WDHD1: variants seen among roughly 807,000 people sequenced by gnomAD.
WDHD1 encodes WD repeat and HMG-box DNA binding protein 1.
WDHD1 carries 111 observed loss-of-function variants against 135.4 expected under a neutral mutation model. That is an observed-to-expected ratio of 0.82 (90% confidence interval 0.70 to 0.96). WDHD1 has a LOEUF of 0.96. WDHD1 is among the 40% of genes least tolerant of loss of function. The probability of loss-of-function intolerance (pLI) is 0.00; values close to 1 mark genes in which losing one functional copy is unlikely to be tolerated. For synonymous variants in WDHD1, 434 were observed against 439.0 expected, an observed-to-expected ratio of 0.99 and a Z score of 0.14; for missense variants, 1,351 against 1,336.3, an observed-to-expected ratio of 1.01 and a Z score of -0.17.
intron 2 of WDHD1, among the ~76,000 whole-genome samples, chr14:55,025,184 C>A (rs2042414606): frequency 7.0e-6 from 1 of 143,722 alleles, no homozygotes; most frequent in African/African-American, 2.5e-5. Context: ...TATGTGTATG[C>A]ATATCTAAAA....
chr14:54,948,813 G>A (rs145557179), intron 24 of WDHD1, among the ~76,000 whole-genome samples: 264 of 152,314 alleles, frequency 1.7e-3, no homozygotes, highest in Middle Eastern at 6.8e-3. Context: ...GAGGCTTCCA[G>A]AGGAATGACC....
intron 21 of WDHD1, among the ~76,000 whole-genome samples, chr14:54,959,956 A>G (rs1250818639): frequency 6.6e-6 from 1 of 152,124 alleles, no homozygotes; most frequent in Non-Finnish European, 1.5e-5. Context: ...TGAATCACTG[A>G]ATGTTCAAAT....
rs1566701100 is a variant in WDHD1, at chr14:54,944,357, C to CT, written c.3163dup (p.Arg1055LysfsTer6). The CT allele has an allele frequency of 6.2e-7, 1 of 1,607,210 alleles. No homozygotes were observed. The highest frequency in any genetic ancestry group is 8.5e-7 in the Non-Finnish European group (1 of 1,178,656). ...CTTTCTTTCTTCAGTTGACAATACT[C>CT]TAAATCGAATCATTCCTTCTTTTAT... On this transcript the variant is annotated frameshift_variant, in exon 25 of 26. Transcript: ENST00000360586. LOFTEE classifies it high-confidence loss of function.
chr14:54,964,417 G>A (rs939281126), intron 18 of WDHD1, among the ~76,000 whole-genome samples: 1 of 152,120 alleles, frequency 6.6e-6, no homozygotes, highest in Non-Finnish European at 1.5e-5. Context: ...GAGACAGGTG[G>A]ATCACAAGGT....
At chr14:54,945,871 C>T (rs757284441) in intron 24 of WDHD1, among the ~76,000 whole-genome samples, 7 of 152,090 alleles carry the variant, frequency 4.6e-5, no homozygotes, top group Non-Finnish European at 8.8e-5. Context: ...AGCAGCTATA[C>T]GCCCCTCACT....
chr14:54,959,194 C>T (rs567329290), intron 21 of WDHD1, among the ~76,000 whole-genome samples: 7 of 151,890 alleles, frequency 4.6e-5, no homozygotes, highest in African/African-American at 7.2e-5. Context: ...ATAGGGAGAC[C>T]CTGTCTCTAC....
At chr14:54,986,550 G>C (rs1470360927) in intron 14 of WDHD1, among the ~76,000 whole-genome samples, 1 of 152,010 alleles carries the variant, frequency 6.6e-6, no homozygotes, top group South Asian at 2.1e-4. Context: ...CTGACCTAGA[G>C]AGTAGTAGAG....
chr14:54,963,527 G>C (rs1170624738), intron 18 of WDHD1, among the ~76,000 whole-genome samples: 1 of 152,114 alleles, frequency 6.6e-6, no homozygotes, highest in East Asian at 1.9e-4. Flanking sequence ...GGGGGAGGCT[G>C]GGCACGGTGG....
At position 55,027,075 on chromosome 14, in the gene WDHD1, C is replaced by A; in HGVS notation, c.-64G>T. 1 of 399,394 alleles carries A rather than the reference C, an allele frequency of 2.5e-6. No individual in the cohort carries two copies. The highest frequency in any genetic ancestry group is 4.7e-6 in the Non-Finnish European group (1 of 212,828). The allele number at this position is 399,394 out of a possible 1,614,324, so 24.7% of individuals were successfully genotyped here. A position where few individuals can be genotyped will look rare whatever the true frequency, so the allele number is the denominator to read the frequency against. ...CTGAGGATCCACAAGAGCTGCTTCC[C>A]GCGCTTCGGCTCGCTCACCACACTG... On this transcript the variant is annotated 5_prime_UTR_variant, in exon 1 of 26. Coordinates refer to ENST00000360586, the MANE Select transcript of WDHD1 (RefSeq NM_007086.4).
chr14:54,982,545 A>G (rs966105503), intron 15 of WDHD1, among the ~76,000 whole-genome samples: 3 of 152,066 alleles, frequency 2.0e-5, no homozygotes, highest in African/African-American at 7.2e-5. Context: ...TTTTCCACCT[A>G]TTCTGCTTCC....
chr14:54,986,906 T>C (rs1031727990), intron 14 of WDHD1, among the ~76,000 whole-genome samples: 2 of 152,182 alleles, frequency 1.3e-5, no homozygotes, highest in Non-Finnish European at 2.9e-5. Context: ...AATGGTAAGA[T>C]TTAGACATGG....
chr14:55,009,907 G>T (rs1049499859), intron 4 of WDHD1, among the ~76,000 whole-genome samples: 2 of 151,948 alleles, frequency 1.3e-5, no homozygotes, highest in Non-Finnish European at 2.9e-5. Flanking sequence ...TGCAACCTCT[G>T]CCTCCTAGGT....
In WDHD1 at chr14:55,000,921, T is replaced by G; in HGVS notation, c.765A>C (p.Ile255=). 2 of 1,589,474 alleles carry G rather than the reference T, an allele frequency of 1.3e-6. No individual in the cohort carries two copies. Among genetic ancestry groups the G allele is most frequent in the Non-Finnish European group, 1.7e-6 (2 of 1,169,240 alleles). ...LAAGSINGLI[I]VWNVETKDCM... ...AGTCTTTGGTTTCCACATTCCAAAC[T>G]ATGATTAGACCATTAATACTACCTG... The change falls in exon 9 of 26, where the codon ATA becomes ATC. Residue 255 remains isoleucine (I), a synonymous_variant. Transcript: ENST00000360586.
intron 7 of WDHD1, among the ~76,000 whole-genome samples, chr14:55,004,447 A>G (rs1260028748): frequency 6.6e-6 from 1 of 151,666 alleles, no homozygotes; most frequent in Non-Finnish European, 1.5e-5. Context: ...TTTTTTTAGC[A>G]ACCAATGTTT....
At chr14:55,000,801 G>A in intron 9 of WDHD1, 85 bp downstream of exon 9, 1 of 1,168,006 alleles carries the variant, frequency 8.6e-7, no homozygotes, top group Non-Finnish European at 1.1e-6. Context: ...CAATCTGATG[G>A]CAAATTTGAA....
chr14:54,944,956 A>C (rs1212413373), intron 24 of WDHD1, among the ~76,000 whole-genome samples: 2 of 152,128 alleles, frequency 1.3e-5, no homozygotes, highest in East Asian at 3.8e-4. Context: ...TGAACTGGAA[A>C]ATCCTTTGTA....
Position 55,000,496 on chromosome 14 carries a change from CT to C in WDHD1, c.942+6del. On this transcript the variant is annotated splice_donor_region_variant and intron_variant, in intron 10 of 25. Transcript: ENST00000360586. ...TGAAGAAACTGTTGTACCATACTCC[CT>C]TTTACCTTACTGCTTGATGTCTTTC... is the stretch of plus-strand genomic sequence containing the variant. 3 of 1,599,716 alleles carry C rather than the reference CT, an allele frequency of 1.9e-6. No individual in the cohort carries two copies. Among genetic ancestry groups the C allele is most frequent in the South Asian group, 1.1e-5 (1 of 88,402 alleles).
intron 21 of WDHD1, 140 bp from the exon 22 acceptor site, chr14:54,957,775 G>T: frequency 1.5e-6 from 1 of 653,850 alleles, no homozygotes; most frequent in Non-Finnish European, 2.5e-6. Flanking sequence ...ATTAACAACA[G>T]ATATCCTCTT....
Position 54,987,397 on chromosome 14 carries a change from A to C in WDHD1, c.1527-10T>G, listed in dbSNP as rs774772732. The C allele has an allele frequency of 6.3e-7, 1 of 1,591,568 alleles. No individual in the cohort carries two copies. The highest frequency in any genetic ancestry group is 1.7e-5 in the Admixed American group (1 of 58,170). On this transcript the variant is annotated splice_polypyrimidine_tract_variant and intron_variant, in intron 13 of 25. Transcript: ENST00000360586. The stretch of plus-strand genomic sequence containing the variant: ...CAGGCAGTGAAGCTTGCTAAAAATT[A>C]AAACAAGACAGAAACAATCAAACTT...
Sources: gnomAD v4.1 joint callset for allele counts (sites outside exome capture counted in the v4.1 genomes callset) on GRCh38, gnomAD v4.1.1 for gene constraint, MANE v1.5 for transcripts, NCBI Gene and HGNC (gene_info 2026-07-23, HGNC 2026-07-21) for gene names.